Variants in HPSE observed in about 807,000 individuals in gnomAD.
HPSE encodes the protein endo-glucoronidase.
In HPSE, 48 loss-of-function variants were observed where a neutral mutation model predicts 65.1. That is an observed-to-expected ratio of 0.74 (90% CI 0.58 to 0.94). The LOEUF is 0.94. Ranked by LOEUF, HPSE falls within the 40% of genes least tolerant of loss-of-function variation. The pLI is 0.00. For synonymous variants in HPSE, 243 were observed against 260.0 expected, an observed-to-expected ratio of 0.93 and a Z score of 0.63; for missense variants, 644 against 637.5, an observed-to-expected ratio of 1.01 and a Z score of -0.11.
At chr4:83,315,564 G>A (rs1009711001) in intron 3 of HPSE, among the ~76,000 whole-genome samples, 7 of 152,130 alleles carry the variant, frequency 4.6e-5, no homozygotes, top group Admixed American at 3.3e-4. Context: ...CTTTTATATT[G>A]CAAAATCATG....
intron 3 of HPSE, 87 bp from the exon 4 acceptor site, chr4:83,313,374 CTGT>C: frequency 2.5e-6 from 2 of 799,464 alleles, no homozygotes. Flanking sequence ...ATAACTATTT[CTGT>C]TGTTAAACTG....
chr4:83,302,162 G>C lies in HPSE; in HGVS notation c.1313C>G (p.Thr438Arg), dbSNP rs1300603080. Residue 438 changes from threonine to arginine, a missense_variant, in exon 10 of 12, where the codon ACA becomes AGA. Transcript: ENST00000311412. ...GTTTCATACTTACTTGTCAGTGTTT[G>C]TGCAATGAAGGTATACTCGAAGCTT... ...RRKLRVYLHC[T>R]NTDNPRYKEG... The C allele has an allele frequency of 6.2e-7, 1 of 1,608,806 alleles. No homozygotes were observed. Among genetic ancestry groups the C allele is most frequent in the Non-Finnish European group, 8.5e-7 (1 of 1,175,162 alleles).
chr4:83,309,579 C>G, intron 6 of HPSE, 84 bp from the exon 7 acceptor site: 1 of 760,488 alleles, frequency 1.3e-6, no homozygotes, highest in Non-Finnish European at 2.3e-6. Flanking sequence ...TATTCTCCTT[C>G]TTACCTCTCC....
chr4:83,299,363 C>CAA (rs757562812), intron 11 of HPSE, among the ~76,000 whole-genome samples: 1,189 of 90,984 alleles, frequency 0.013, 13 homozygotes, highest in South Asian at 0.019. Context: ...GACTCTGTCT[C>CAA]AAAAAAAAAA....
chr4:83,300,898 C>T (rs531485890), intron 11 of HPSE, 62 bp downstream of exon 11: 12 of 1,092,370 alleles, frequency 1.1e-5, no homozygotes, highest in East Asian at 2.6e-5. Context: ...TCCAAACTCT[C>T]TATTCTGATA....
chr4:83,308,972 C>T lies in HPSE; in HGVS notation c.985-21G>A, dbSNP rs748523983. 3.1e-6 allele frequency: 5 copies of T among 1,599,594 alleles called. No homozygotes were observed. The East Asian group carries it at 1.1e-4, about 36-fold the overall frequency. On this transcript the variant is annotated intron_variant, in intron 7 of 11. Coordinates refer to ENST00000311412, the MANE Select transcript of HPSE (RefSeq NM_001098540.3). ...ACCACCTATAGAACAGAAAAGTATC[C>T]ATGGTAATTGCAAAAAAGCTGACCT...
chr4:83,321,297 C>A (rs1736882827), intron 2 of HPSE, among the ~76,000 whole-genome samples: 1 of 152,200 alleles, frequency 6.6e-6, no homozygotes, highest in Non-Finnish European at 1.5e-5. Flanking sequence ...GATTACTATT[C>A]TGTCAATTTA....
intron 1 of HPSE, among the ~76,000 whole-genome samples, chr4:83,323,204 A>T (rs1053498173): frequency 1.3e-5 from 2 of 151,990 alleles, no homozygotes; most frequent in African/African-American, 4.8e-5. Context: ...AGAACAGGGG[A>T]TTTGCAGGGC....
At chr4:83,325,810 A>T (rs1737128145) in intron 1 of HPSE, among the ~76,000 whole-genome samples, 2 of 152,206 alleles carry the variant, frequency 1.3e-5, no homozygotes, top group Admixed American at 1.3e-4. Flanking sequence ...AACCTTATCT[A>T]GATTAAAGAG....
At chr4:83,312,568 C>G (rs561622679) in intron 4 of HPSE, among the ~76,000 whole-genome samples, 1 of 148,904 alleles carries the variant, frequency 6.7e-6, no homozygotes, top group East Asian at 2.0e-4. Context: ...GTCCCAGCTA[C>G]TCGGGAGGCT....
rs1222123495 is a variant in HPSE, at chr4:83,319,352, G to A, written c.491C>T (p.Thr164Ile). 1 of 1,613,654 alleles carries A rather than the reference G, an allele frequency of 6.2e-7. No individual in the cohort carries two copies. Among genetic ancestry groups the A allele is most frequent in the African/African-American group, 1.3e-5 (1 of 74,882 alleles). ...EHYQKKFKNS[T>I]YSRSSVDVLY... is the part of the protein sequence containing the mutation. ...TGCCTTTCATTTCTTACTTGAGTAG[G>A]TGCTGTTCTTGAACTTTTTCTGGTA... The change falls in exon 3 of 12, where the codon ACC becomes ATC. Residue 164 changes from threonine to isoleucine, a missense_variant. Thr to Ile is a moderately conservative substitution (Grantham distance 89, BLOSUM62 -1). Transcript: ENST00000311412.
chr4:83,317,617 G>A (rs1328427263), intron 3 of HPSE, among the ~76,000 whole-genome samples: 1 of 152,170 alleles, frequency 6.6e-6, no homozygotes, highest in Non-Finnish European at 1.5e-5. Context: ...CCAAGTCCTG[G>A]AGTTGGAAAC....
In HPSE at chr4:83,292,746, A is replaced by C. The variant is rs924128451; in HGVS notation, c.*2598T>G. ...AACTGGGGGCTGTTATCCTAAGGGA[A>C]GTAACTCAGGAATGGAAAACCAAAT... is the stretch of plus-strand genomic sequence containing the variant. On this transcript the variant is annotated 3_prime_UTR_variant, in exon 12 of 12. Coordinates refer to ENST00000311412, the MANE Select transcript of HPSE (RefSeq NM_001098540.3). The C allele has an allele frequency of 1.3e-5, 2 of 152,248 alleles. No individual in the cohort carries two copies. The highest frequency in any genetic ancestry group is 6.5e-5 in the Admixed American group (1 of 15,290). The allele number at this position is 152,248 out of a possible 1,614,324, so 9.4% of individuals were successfully genotyped here.
At chr4:83,328,421 C>A (rs984973669) in intron 1 of HPSE, among the ~76,000 whole-genome samples, 7 of 152,216 alleles carry the variant, frequency 4.6e-5, no homozygotes, top group Non-Finnish European at 8.8e-5. Flanking sequence ...CAGCCCATCA[C>A]ATTCCAGTAT....
chr4:83,310,538 G>A (rs570255676), intron 5 of HPSE, among the ~76,000 whole-genome samples, 184 bp downstream of exon 5: 10 of 152,214 alleles, frequency 6.6e-5, no homozygotes, highest in Admixed American at 6.5e-4. Context: ...CAGGTGTGGT[G>A]ATGTGCACCT....
At chr4:83,299,895 G>A (rs963120437) in intron 11 of HPSE, among the ~76,000 whole-genome samples, 1 of 151,980 alleles carries the variant, frequency 6.6e-6, no homozygotes, top group Non-Finnish European at 1.5e-5. Flanking sequence ...TGTAGAGAGA[G>A]TTTTGCCATA....
At chr4:83,334,489 G>T in intron 1 of HPSE, 67 bp downstream of exon 1, 2 of 1,467,014 alleles carry the variant, frequency 1.4e-6, no homozygotes, top group Non-Finnish European at 1.8e-6. Flanking sequence ...AAGGAGAGCG[G>T]CTGGCGGGGC....
chr4:83,301,233 G>A (rs1735936686), intron 10 of HPSE, 127 bp from the exon 11 acceptor site: 2 of 559,534 alleles, frequency 3.6e-6, no homozygotes, highest in Non-Finnish European at 3.0e-6. Flanking sequence ...TAAGTATTAG[G>A]ATCCATAATG....
At chr4:83,309,363 A>T in intron 7 of HPSE, 39 bp downstream of exon 7, 1 of 1,036,050 alleles carries the variant, frequency 9.7e-7, no homozygotes, top group Non-Finnish European at 1.5e-6. Context: ...TAAAATAAGG[A>T]TTCTGGTTTT....
Sources: allele counts gnomAD v4.1 joint callset (sites outside exome capture counted in the v4.1 genomes callset), GRCh38; gene constraint gnomAD v4.1.1; transcripts MANE v1.5; gene names NCBI Gene and HGNC (gene_info 2026-07-23, HGNC 2026-07-21).